SPTLC3: variants seen among roughly 807,000 people sequenced by gnomAD.
SPTLC3 encodes the protein serine palmitoyltransferase long chain base subunit 3, also known as serine palmitoyltransferase 3.
Under a neutral mutation model 59.3 loss-of-function variants are expected in SPTLC3, and 36 were observed. That is an observed-to-expected ratio of 0.61 (90% CI 0.47 to 0.80). The LOEUF (loss-of-function observed/expected upper bound fraction) is 0.80. Among genes scored for constraint, SPTLC3 ranks in the 30% least tolerant of loss-of-function variants. The probability of loss-of-function intolerance (pLI) is 0.00; values close to 1 mark genes in which losing one functional copy is unlikely to be tolerated. For synonymous variants in SPTLC3, 257 were observed against 240.8 expected, an observed-to-expected ratio of 1.07 and a Z score of -0.62; for missense variants, 625 against 685.1, an observed-to-expected ratio of 0.91 and a Z score of 0.98.
At chr20:13,064,477 T>C (rs1988116448) in intron 2 of SPTLC3, among the ~76,000 whole-genome samples, 1 of 152,084 alleles carries the variant, frequency 6.6e-6, no homozygotes, top group South Asian at 2.1e-4. Flanking sequence ...TGTATTTTAG[T>C]ATAGACGAGG....
rs1303941200 is a variant in SPTLC3 at position 13,009,053 on chromosome 20, G to A, written c.-215G>A. ...GTTGCCATGGAGTTCACATTTTGAC[G>A]GGAGTTGAGAAGTATAAAGGTAACC... On this transcript the variant is annotated 5_prime_UTR_variant, in exon 1 of 12. Transcript: ENST00000399002. The A allele has an allele frequency of 5.1e-5, 23 of 448,922 alleles. No homozygotes were observed. The South Asian group carries it at 6.3e-4, about 12-fold the overall frequency. 27.8% of individuals were successfully genotyped at this position (448,922 alleles called of 1,614,324 possible). A position where few individuals can be genotyped will look rare whatever the true frequency, so the allele number is the denominator to read the frequency against.
At chr20:13,128,502 G>A (rs947374510) in intron 9 of SPTLC3, among the ~76,000 whole-genome samples, 1 of 152,058 alleles carries the variant, frequency 6.6e-6, no homozygotes, top group Admixed American at 6.5e-5. Context: ...TGGCCCCCAT[G>A]GTTACCAAGG....
At chr20:13,093,654 T>C in intron 6 of SPTLC3, 77 bp downstream of exon 6, 1 of 1,360,354 alleles carries the variant, frequency 7.4e-7, no homozygotes, top group Non-Finnish European at 1.0e-6. Flanking sequence ...GAGGCTTTGT[T>C]CTGCTCTTCA....
At chr20:13,111,397 T>A (rs1990224799) in intron 7 of SPTLC3, among the ~76,000 whole-genome samples, 1 of 152,200 alleles carries the variant, frequency 6.6e-6, no homozygotes, top group African/African-American at 2.4e-5. Context: ...TCATTATAAC[T>A]GCAGTAGTGT....
At chr20:13,099,939 G>A (rs1249235556) in intron 6 of SPTLC3, among the ~76,000 whole-genome samples, 1 of 152,186 alleles carries the variant, frequency 6.6e-6, no homozygotes, top group Non-Finnish European at 1.5e-5. Context: ...ACCTGCACCA[G>A]AGCATTCTTA....
intron 6 of SPTLC3, among the ~76,000 whole-genome samples, chr20:13,099,268 AG>A (rs1367729502): frequency 6.6e-6 from 1 of 152,184 alleles, no homozygotes; most frequent in Non-Finnish European, 1.5e-5. Context: ...CCACAAGCTA[AG>A]GAATGCAGGA....
At chr20:13,147,076 T>C (rs2038530359) in intron 9 of SPTLC3, among the ~76,000 whole-genome samples, 1 of 152,168 alleles carries the variant, frequency 6.6e-6, no homozygotes, top group Non-Finnish European at 1.5e-5. Context: ...GCAGGGTGTT[T>C]TCCCAGAGCC....
In SPTLC3 at chr20:13,110,208, G is replaced by C; in HGVS notation, c.923G>C (p.Gly308Ala). Residue 308 changes from glycine to alanine, a missense_variant, in exon 7 of 12, where the codon GGT (glycine) becomes GCT (alanine). Gly to Ala is a moderately conservative substitution (Grantham distance 60, BLOSUM62 0). Transcript: ENST00000399002. Reference protein sequence around the residue: ...AWKKILILVEGVYSMEGSIVH... With the variant: ...AWKKILILVEAVYSMEGSIVH... ...AAAAAGATTCTCATCCTGGTGGAGG[G>C]TGTCTACAGGTATGTAAATAACAGG... 1.2e-6 allele frequency: 2 copies of C among 1,613,438 alleles called. No individual in the cohort carries two copies. The highest frequency in any genetic ancestry group is 1.3e-5 in the African/African-American group (1 of 74,980).
chr20:13,132,141 T>G (rs972873205), intron 9 of SPTLC3, among the ~76,000 whole-genome samples: 1 of 151,510 alleles, frequency 6.6e-6, no homozygotes, highest in Admixed American at 6.6e-5. Flanking sequence ...CAAATCCTCC[T>G]GTCCCTCTAA....
chr20:13,047,073 T>G (rs937208051), intron 1 of SPTLC3, among the ~76,000 whole-genome samples: 1 of 152,194 alleles, frequency 6.6e-6, no homozygotes, highest in African/African-American at 2.4e-5. Context: ...TTTTGTGATG[T>G]TTTGACTTAA....
chr20:13,107,288 G>C (rs1171826272), intron 6 of SPTLC3, among the ~76,000 whole-genome samples: 2 of 151,396 alleles, frequency 1.3e-5, no homozygotes, highest in African/African-American at 4.9e-5. Context: ...AGATTAATGA[G>C]AAAATAGAAA....
At chr20:13,050,322 A>G (rs553586322) in intron 2 of SPTLC3, 1 of 152,332 alleles carries the variant, frequency 6.6e-6, no homozygotes, top group East Asian at 1.9e-4. Context: ...TTGAACTAGT[A>G]GAAGAAAAAA....
chr20:13,075,522 T>C (rs1244309715), intron 4 of SPTLC3, among the ~76,000 whole-genome samples: 1 of 152,212 alleles, frequency 6.6e-6, no homozygotes, highest in Non-Finnish European at 1.5e-5. Flanking sequence ...CTAACATTCA[T>C]TGGCTAAAGC....
chr20:13,153,945 A>G (rs1027058617), intron 9 of SPTLC3, 58 bp from the exon 10 acceptor site: 1 of 1,597,436 alleles, frequency 6.3e-7, no homozygotes, highest in Non-Finnish European at 8.5e-7. Flanking sequence ...AGTTGACCGG[A>G]CCTTTACTTC....
chr20:13,104,083 A>T (rs1441111461), intron 6 of SPTLC3, among the ~76,000 whole-genome samples: 1 of 152,190 alleles, frequency 6.6e-6, no homozygotes, highest in Non-Finnish European at 1.5e-5. Context: ...GTAGCTTTGG[A>T]CACATAGTTG....
At chr20:13,058,319 T>C (rs1015539826) in intron 2 of SPTLC3, among the ~76,000 whole-genome samples, 2 of 152,240 alleles carry the variant, frequency 1.3e-5, no homozygotes, top group African/African-American at 2.4e-5. Context: ...GATATGGTCT[T>C]GTCCAAAACA....
intron 3 of SPTLC3, among the ~76,000 whole-genome samples, chr20:13,073,105 C>T (rs1172772812): frequency 6.6e-6 from 1 of 152,114 alleles, no homozygotes; most frequent in African/African-American, 2.4e-5. Flanking sequence ...ATAGACCATA[C>T]ATTATTTTAT....
chr20:13,014,945 C>T (rs779898842), intron 1 of SPTLC3, among the ~76,000 whole-genome samples: 11 of 152,066 alleles, frequency 7.2e-5, no homozygotes, highest in Non-Finnish European at 1.5e-4. Context: ...TAAGAAATCA[C>T]CAGAATGGAA....
At chr20:13,077,686 A>T (rs1451734409) in intron 4 of SPTLC3, among the ~76,000 whole-genome samples, 4 of 152,214 alleles carry the variant, frequency 2.6e-5, no homozygotes, top group African/African-American at 7.2e-5. Context: ...CCAACATAGC[A>T]AGGAATAAAA....
Sources: allele counts gnomAD v4.1 joint callset (sites outside exome capture counted in the v4.1 genomes callset), GRCh38; gene constraint gnomAD v4.1.1; transcripts MANE v1.5; gene names NCBI Gene and HGNC (gene_info 2026-07-23, HGNC 2026-07-21).